Variants in MIER2 observed in about 807,000 individuals in gnomAD.
The protein encoded by MIER2 is mesoderm induction early response protein 2.
Under a neutral mutation model 67.6 loss-of-function variants are expected in MIER2, and 30 were observed. That is an observed-to-expected ratio of 0.44 (90% CI 0.33 to 0.60). MIER2 has a LOEUF of 0.60. Ranked by LOEUF, MIER2 falls within the 20% of genes least tolerant of loss-of-function variation. The pLI, the probability that MIER2 is intolerant of heterozygous loss-of-function variation, is 0.02. For missense variants in MIER2, 702 were observed against 745.1 expected (o/e 0.94, Z 0.67); for synonymous variants, 372 against 312.6 (o/e 1.19, Z -2.00).
intron 1 of MIER2, 183 bp downstream of exon 1, chr19:344,591 G>A (rs1056963621): frequency 7.8e-6 from 2 of 257,384 alleles, no homozygotes; most frequent in Admixed American, 6.9e-5. Flanking sequence ...GGGGCCGGCC[G>A]GGGGCGGCCG....
intron 1 of MIER2, among the ~76,000 whole-genome samples, chr19:338,427 T>A (rs888960273): frequency 1.3e-5 from 2 of 152,112 alleles, no homozygotes; most frequent in Non-Finnish European, 2.9e-5. Flanking sequence ...CAAAGCAGTG[T>A]TGAAAGGAAG....
At position 311,899 on chromosome 19, in the gene MIER2, A is replaced by C. The variant is rs770393562; in HGVS notation, c.930T>G (p.Phe310Leu). The C allele has an allele frequency of 6.2e-7, 1 of 1,614,058 alleles. No individual in the cohort carries two copies. The highest frequency in any genetic ancestry group is 1.1e-5 in the South Asian group (1 of 91,086). Residue 310 changes from phenylalanine to leucine, a missense_variant, in exon 10 of 14, where the codon TTT becomes TTG. Phe to Leu is a conservative substitution (Grantham distance 22, BLOSUM62 0). Transcript: ENST00000264819. Reference protein sequence around the residue: ...CAWSEEECRNFEHGFRVHGKN... With the variant: ...CAWSEEECRNLEHGFRVHGKN... ...TTCCATGCACACGGAAGCCGTGCTC[A>C]AAGTTCCTGCACTCCTCTTCACTCC...
In MIER2 at chr19:336,182, GAA is replaced by G; in HGVS notation, c.10-11_10-10del. On this transcript the variant is annotated splice_polypyrimidine_tract_variant and intron_variant, in intron 1 of 13. Coordinates refer to ENST00000264819, the MANE Select transcript of MIER2 (RefSeq NM_017550.3). ...CTCCCCAGCGAGGAGGCCTGCGAAG[GAA>G]GAGAGGCAGGGTTAGCTCGGCCGGC... 1 of 1,611,518 alleles carries G rather than the reference GAA, an allele frequency of 6.2e-7. No individual in the cohort carries two copies. The highest frequency in any genetic ancestry group is 8.5e-7 in the Non-Finnish European group (1 of 1,178,476).
intron 1 of MIER2, among the ~76,000 whole-genome samples, chr19:341,976 C>T (rs1228039928): frequency 6.6e-6 from 1 of 152,116 alleles, no homozygotes; most frequent in Non-Finnish European, 1.5e-5. Flanking sequence ...ACACAAGAGG[C>T]CACCCTGCAA....
intron 4 of MIER2, among the ~76,000 whole-genome samples, 181 bp downstream of exon 4, chr19:327,683 G>A (rs731804): frequency 0.28 from 41,962 of 152,158 alleles, 6,536 homozygotes; most frequent in East Asian, 0.64. Flanking sequence ...CTGGGGTTAA[G>A]GCTAGGGTCC....
At chr19:322,599 A>T (rs1314694042) in intron 7 of MIER2, among the ~76,000 whole-genome samples, 1 of 152,170 alleles carries the variant, frequency 6.6e-6, no homozygotes, top group African/African-American at 2.4e-5. Context: ...CACCAGGGAA[A>T]TGCCAATTAA....
chr19:335,265 C>T (rs1209810140), intron 2 of MIER2, among the ~76,000 whole-genome samples: 1 of 152,248 alleles, frequency 6.6e-6, no homozygotes, highest in African/African-American at 2.4e-5. Context: ...GAGTCCAGGG[C>T]ACGAGGCCTC....
At chr19:335,276 T>C (rs755881023) in intron 2 of MIER2, among the ~76,000 whole-genome samples, 1 of 152,226 alleles carries the variant, frequency 6.6e-6, no homozygotes, top group Non-Finnish European at 1.5e-5. Flanking sequence ...ACGAGGCCTC[T>C]AGGGCAGCCA....
intron 6 of MIER2, 113 bp downstream of exon 6, chr19:326,394 C>T (rs553960757): frequency 8.6e-6 from 7 of 817,100 alleles, no homozygotes; most frequent in Admixed American, 6.2e-5. Flanking sequence ...GGCAGAGCCA[C>T]GGCCGGGATG....
chr19:331,360 G>GAAAAAAAAAAAAAAAAAAAA (rs917485905), intron 3 of MIER2, among the ~76,000 whole-genome samples: 2 of 117,962 alleles, frequency 1.7e-5, no homozygotes, highest in African/African-American at 3.2e-5. Flanking sequence ...TCTGTCCCCA[G>GAAAAAAAAAAAAAAAAAAAA]AAAAAAAAAA....
chr19:335,788 G>A (rs1447010295), intron 2 of MIER2, among the ~76,000 whole-genome samples: 2 of 152,182 alleles, frequency 1.3e-5, no homozygotes, highest in Non-Finnish European at 2.9e-5. Context: ...ACCCTGGCAA[G>A]ATGAGGCAGC....
chr19:320,241 T>A (rs1395434844), intron 7 of MIER2, among the ~76,000 whole-genome samples: 1 of 151,388 alleles, frequency 6.6e-6, no homozygotes, highest in Non-Finnish European at 1.5e-5. Flanking sequence ...TTAGCCGGCG[T>A]GCAGTGGCGC....
At chr19:318,876 G>A (rs111857809) in intron 7 of MIER2, among the ~76,000 whole-genome samples, 6 of 152,136 alleles carry the variant, frequency 3.9e-5, no homozygotes, top group African/African-American at 1.4e-4. Context: ...CTAACACAGT[G>A]AAACCCCGTC....
At chr19:318,537 C>CA (rs1370404243) in intron 7 of MIER2, among the ~76,000 whole-genome samples, 1 of 151,954 alleles carries the variant, frequency 6.6e-6, no homozygotes, top group Non-Finnish European at 1.5e-5. Flanking sequence ...AACAAGCAGC[C>CA]AAAAAAATTA....
intron 1 of MIER2, among the ~76,000 whole-genome samples, chr19:337,158 C>T (rs1427532175): frequency 6.6e-6 from 1 of 152,028 alleles, no homozygotes. Context: ...CTCTCATGTA[C>T]ATAAACACAA....
At chr19:332,637 CG>C (rs1194173735) in intron 3 of MIER2, among the ~76,000 whole-genome samples, 3 of 120,120 alleles carry the variant, frequency 2.5e-5, no homozygotes, top group Non-Finnish European at 5.1e-5. Flanking sequence ...GGTTTCACTA[CG>C]TTGGCCAGGC....
intron 7 of MIER2, among the ~76,000 whole-genome samples, chr19:323,233 AT>A (rs1971574136): frequency 7.6e-6 from 1 of 132,320 alleles, no homozygotes; most frequent in Admixed American, 7.2e-5. Context: ...AACTCGAATG[AT>A]ACAGTCGTCA....
chr19:335,674 G>T (rs1451128625), intron 2 of MIER2, among the ~76,000 whole-genome samples: 1 of 152,202 alleles, frequency 6.6e-6, no homozygotes, highest in Non-Finnish European at 1.5e-5. Context: ...TGCCCACTGG[G>T]CAAGCAGCAG....
intron 1 of MIER2, 72 bp from the exon 2 acceptor site, chr19:336,245 C>T: frequency 7.9e-7 from 1 of 1,271,874 alleles, no homozygotes; most frequent in African/African-American, 1.5e-5. Context: ...GTGTGGCAGC[C>T]AAGAGCAAGC....
Sources: gnomAD v4.1 joint callset for allele counts (sites outside exome capture counted in the v4.1 genomes callset) on GRCh38, gnomAD v4.1.1 for gene constraint, MANE v1.5 for transcripts, NCBI Gene and HGNC (gene_info 2026-07-23, HGNC 2026-07-21) for gene names.